GRB7: variants seen among roughly 807,000 people sequenced by gnomAD.
GRB7 encodes growth factor receptor-bound protein 7.
GRB7 carries 47 observed loss-of-function variants against 64.1 expected under a neutral mutation model. The observed-to-expected ratio is 0.73, with a 90% CI of 0.58 to 0.94. The LOEUF is 0.94. Among genes scored for constraint, GRB7 ranks in the 40% least tolerant of loss-of-function variants. The pLI is 0.00. For synonymous variants in GRB7, 277 were observed against 279.9 expected, an observed-to-expected ratio of 0.99 and a Z score of 0.10; for missense variants, 634 against 718.4, an observed-to-expected ratio of 0.88 and a Z score of 1.34.
rs542607246 is a variant in GRB7, at chr17:39,739,567, C to T, written c.-51+1434C>T. 1.8e-4 allele frequency among the ~76,000 whole-genome samples: 27 copies of T among 152,380 alleles called. 1 individual carries two copies. The South Asian group carries it at 2.9e-3, about 16-fold the overall frequency. The stretch of plus-strand genomic sequence containing the variant: ...CCAGGCCCCTGGCCCAGGCCTCAGT[C>T]CCGCAAGCCCTTCCCCCTGCTCTGG... On this transcript the variant is annotated intron_variant, in intron 1 of 14. Transcript: ENST00000309156.
intron 1 of GRB7, 50 bp from the exon 2 acceptor site, chr17:39,742,202 A>T (rs759392392): frequency 2.8e-5 from 39 of 1,370,742 alleles, no homozygotes; most frequent in Non-Finnish European, 3.8e-5. Flanking sequence ...GGGCACCCTA[A>T]CCGCCGTGTG....
Position 39,746,754 on chromosome 17 carries a change from G to A in GRB7, c.1456G>A (p.Glu486Lys), listed in dbSNP as rs1298951570. Residue 486 changes from glutamate (E) to lysine (K), a missense_variant, in exon 15 of 15, where the codon GAG becomes AAG. Glu to Lys is a moderately conservative substitution (Grantham distance 56, BLOSUM62 1). This residue lies in a region of GRB7 where 467 missense variants were observed against 576.6 expected (regional missense o/e 0.81). Transcript: ENST00000309156. ...CACCCCCTTTACTGTACCCCAGAGC[G>A]AGGAGGAGGGCCGCCTGTACTTCAG... ...KVKHYLILPSEEEGRLYFSMD... is the reference protein window; with the variant it reads ...KVKHYLILPSKEEGRLYFSMD... 11 of 1,613,838 alleles carry A rather than the reference G, an allele frequency of 6.8e-6. No individual in the cohort carries two copies. The highest frequency in any genetic ancestry group is 2.2e-5 in the East Asian group (1 of 44,884).
chr17:39,741,401 A>G (rs975066449), intron 1 of GRB7, among the ~76,000 whole-genome samples: 2 of 152,096 alleles, frequency 1.3e-5, no homozygotes, highest in African/African-American at 4.8e-5. Flanking sequence ...TCCCCCTTGC[A>G]CTGCAGCGGA....
intron 1 of GRB7, chr17:39,740,127 C>T (rs1433194523): frequency 2.0e-6 from 2 of 985,534 alleles, no homozygotes; most frequent in Middle Eastern, 5.1e-4. Flanking sequence ...GGCGTGGCCC[C>T]CTGCAGCCTG....
At position 39,745,412 on chromosome 17, in the gene GRB7, C is replaced by T. The variant is rs2060036024; in HGVS notation, c.1093-10C>T. The T allele has an allele frequency of 6.8e-6, 11 of 1,613,292 alleles. No homozygotes were observed. Among genetic ancestry groups the T allele is most frequent in the Non-Finnish European group, 9.3e-6 (11 of 1,179,316 alleles). On this transcript the variant is annotated splice_polypyrimidine_tract_variant and intron_variant, in intron 10 of 14. Transcript: ENST00000309156. ...CTGTTCTGACCTCTCTCCTCTCCTT[C>T]CATCTCCAGAGAAGTGCCTCAGATA...
intron 8 of GRB7, 54 bp downstream of exon 8, chr17:39,744,717 G>T: frequency 6.7e-7 from 1 of 1,483,052 alleles, no homozygotes; most frequent in South Asian, 1.2e-5. Flanking sequence ...AACTGCTCAG[G>T]CCCCTGGATC....
Position 39,747,162 on chromosome 17 carries a change from A to G in GRB7, c.*265A>G. On this transcript the variant is annotated 3_prime_UTR_variant, in exon 15 of 15. Transcript: ENST00000309156. ...AGCTCTGGAGGTGCTGCTCTAGGGC[A>G]GGGAATTATGGGAGAAGTGGGGGCA... The G allele has an allele frequency of 2.0e-6, 1 of 505,586 alleles. No individual in the cohort carries two copies. 31.3% of individuals were successfully genotyped at this position (505,586 alleles called of 1,614,324 possible).
intron 7 of GRB7, 156 bp from the exon 8 acceptor site, chr17:39,744,397 C>A: frequency 2.3e-6 from 2 of 853,508 alleles, no homozygotes; most frequent in Non-Finnish European, 3.7e-6. Context: ...AAAAGATGAT[C>A]TTAGTTTAAG....
In GRB7 at chr17:39,743,262, G is replaced by A. The variant is rs1477043469; in HGVS notation, c.546G>A (p.Arg182=). ...GCGGAGATAGCCGCTTCGTCTTCCG[G>A]AAAAACTTCGCCAAGTACGAACTGT... is the stretch of plus-strand genomic sequence containing the variant. ...PVGGDSRFVF[R]KNFAKYELFK... is the part of the protein sequence containing the mutation. The change falls in exon 5 of 15, where the codon CGG becomes CGA. Residue 182 remains arginine, a synonymous_variant. Coordinates refer to ENST00000309156, the MANE Select transcript of GRB7 (RefSeq NM_005310.5). 1.9e-6 allele frequency: 3 copies of A among 1,614,218 alleles called. No individual in the cohort carries two copies. Among genetic ancestry groups the A allele is most frequent in the Non-Finnish European group, 2.5e-6 (3 of 1,180,036 alleles).
chr17:39,746,710 G>A (rs1045714849), intron 14 of GRB7, 41 bp from the exon 15 acceptor site: 20 of 1,599,896 alleles, frequency 1.3e-5, no homozygotes, highest in Middle Eastern at 1.7e-4. Flanking sequence ...CCCAAGCCTC[G>A]GGCCCCTCCC....
intron 2 of GRB7, 28 bp from the exon 3 acceptor site, chr17:39,742,538 C>A: frequency 6.2e-7 from 1 of 1,613,746 alleles, no homozygotes; most frequent in Non-Finnish European, 8.5e-7. Flanking sequence ...CTTCCCCACA[C>A]CTCTCTCCCT....
chr17:39,745,347 A>C, intron 10 of GRB7, 24 bp downstream of exon 10: 2 of 920,784 alleles, frequency 2.2e-6, no homozygotes, highest in Admixed American at 1.9e-5. Flanking sequence ...AGGGGATGGG[A>C]GGGTGGGTAT....
Position 39,746,882 on chromosome 17 carries a change from G to T in GRB7, c.1584G>T (p.Thr528=), listed in dbSNP as rs761232583. 5.6e-6 allele frequency: 9 copies of T among 1,609,648 alleles called. No homozygotes were observed. The African/African-American group carries it at 1.1e-4, about 19-fold the overall frequency. Residue 528 remains threonine (T), a synonymous_variant, in exon 15 of 15, where the codon ACG becomes ACT. Coordinates refer to ENST00000309156, the MANE Select transcript of GRB7 (RefSeq NM_005310.5). ...ILPCLLRHCC[T]RVAL is the part of the protein sequence containing the mutation. Reference sequence around the variant, plus strand: ...CGTGCTTGCTGCGCCATTGCTGCACGCGGGTGGCCCTCTGACCAGGCCGTG... The same window carrying T: ...CGTGCTTGCTGCGCCATTGCTGCACTCGGGTGGCCCTCTGACCAGGCCGTG...
Position 39,745,277 on chromosome 17 carries a change from C to T in GRB7, c.1046C>T (p.Ala349Val), listed in dbSNP as rs1255705578. The part of the protein sequence containing the change: ...GVQLYKNYQQ[A>V]QSRHLHPSCL... Reference sequence around the variant, plus strand: ...CAGCTGTACAAGAATTACCAGCAGGCACAGTCTCGCCATCTGCATCCATCT... The same window carrying T: ...CAGCTGTACAAGAATTACCAGCAGGTACAGTCTCGCCATCTGCATCCATCT... The change falls in exon 10 of 15, where the codon GCA becomes GTA. Residue 349 changes from alanine to valine, a missense_variant. Physicochemically the swap from Ala to Val is moderately conservative, Grantham distance 64. Around this residue, in one of 2 missense-constraint regions of GRB7, gnomAD observed 467 missense variants for 576.6 expected, o/e 0.81. Coordinates refer to ENST00000309156, the MANE Select transcript of GRB7 (RefSeq NM_005310.5). 1 of 1,612,214 alleles carries T rather than the reference C, an allele frequency of 6.2e-7. No homozygotes were observed. The highest frequency in any genetic ancestry group is 1.7e-5 in the Admixed American group (1 of 59,834).
In GRB7 at chr17:39,744,681, C is replaced by T. The variant is rs2060028136; in HGVS notation, c.912+18C>T. 1 of 1,570,056 alleles carries T rather than the reference C, an allele frequency of 6.4e-7. No homozygotes were observed. The highest frequency in any genetic ancestry group is 8.7e-7 in the Non-Finnish European group (1 of 1,153,068). ...GTGTCAAGGTGAAGACCTGGCCAGG[C>T]CTGGCCCCTGGCCTGGGGAAGCAGG... is the stretch of plus-strand genomic sequence containing the variant. On this transcript the variant is annotated intron_variant, in intron 8 of 14. Coordinates refer to ENST00000309156, the MANE Select transcript of GRB7 (RefSeq NM_005310.5).
At chr17:39,742,796 C>G (rs1056210824) in intron 3 of GRB7, 80 bp downstream of exon 3, 52 of 1,522,494 alleles carry the variant, frequency 3.4e-5, no homozygotes, top group Non-Finnish European at 4.5e-5. Context: ...TCCATGGAGG[C>G]AGGGGATCTT....
chr17:39,744,981 C>T lies in GRB7; in HGVS notation c.1008C>T (p.Phe336=). 1.9e-6 allele frequency: 3 copies of T among 1,612,324 alleles called. No homozygotes were observed. Among genetic ancestry groups the T allele is most frequent in the Non-Finnish European group, 2.5e-6 (3 of 1,178,740 alleles). ...RTCWLAAFRL[F]KYGVQLYKNY... ...GCTGGCTGGCTGCCTTCCGCCTCTT[C>T]AAGGTGAGACCCTGGGAGTGGCATG... The change falls in exon 9 of 15, where the codon TTC becomes TTT. Residue 336 remains phenylalanine, a synonymous_variant. Transcript: ENST00000309156.
intron 11 of GRB7, 38 bp from the exon 12 acceptor site, chr17:39,745,690 C>T (rs747954043): frequency 3.1e-6 from 5 of 1,608,554 alleles, no homozygotes; most frequent in South Asian, 2.2e-5. Flanking sequence ...TGCCCCCAAG[C>T]ACGCCCCGAC....
chr17:39,744,056 C>T lies in GRB7; in HGVS notation c.664-14C>T. Reference sequence around the variant, plus strand: ...GTCAGACCTGTCACTCTCCTCTGCTCTCCTCTGGCTCAGAACTTCCTGAAT... The same window carrying T: ...GTCAGACCTGTCACTCTCCTCTGCTTTCCTCTGGCTCAGAACTTCCTGAAT... On this transcript the variant is annotated splice_polypyrimidine_tract_variant and intron_variant, in intron 6 of 14. Coordinates refer to ENST00000309156, the MANE Select transcript of GRB7 (RefSeq NM_005310.5). The T allele has an allele frequency of 6.2e-7, 1 of 1,614,062 alleles. No homozygotes were observed. The highest frequency in any genetic ancestry group is 8.5e-7 in the Non-Finnish European group (1 of 1,179,956).
Sources: gnomAD v4.1 joint callset for allele counts (sites outside exome capture counted in the v4.1 genomes callset) on GRCh38, gnomAD v4.1.1 for gene constraint, gnomAD v4.1.1 regional missense constraint, MANE v1.5 for transcripts, NCBI Gene and HGNC (gene_info 2026-07-23, HGNC 2026-07-21) for gene names.